Variants in IGLL5 observed in about 807,000 individuals in gnomAD.
The protein encoded by IGLL5 is immunoglobulin lambda-like polypeptide 5.
Under a neutral mutation model 20.9 loss-of-function variants are expected in IGLL5, and 30 were observed. The observed-to-expected ratio is 1.44, with a 90% CI of 1.07 to 1.95. IGLL5 has a LOEUF of 1.95. IGLL5 is among the 30% of genes most tolerant of loss of function. The pLI is 0.00. For synonymous variants in IGLL5, 203 were observed against 117.3 expected (o/e 1.73, Z -4.72); for missense variants, 475 against 270.7 (o/e 1.75, Z -5.30).
In IGLL5 at chr22:22,888,272, A is replaced by T. The variant is rs569193265; in HGVS notation, c.206+13A>T. 3.2e-6 allele frequency: 5 copies of T among 1,546,168 alleles called. No individual in the cohort carries two copies. Among genetic ancestry groups the T allele is most frequent in the Admixed American group, 3.9e-5 (2 of 50,704 alleles). The stretch of plus-strand genomic sequence containing the variant: ...GCCTGTGGGGCAGGTAAGGGGCAAG[A>T]GATTCCAGGGGATGTGGGGGTCCTG... On this transcript the variant is annotated intron_variant, in intron 1 of 2. Coordinates refer to ENST00000526893, the MANE Select transcript of IGLL5 (RefSeq NM_001178126.2).
intron 1 of IGLL5, among the ~76,000 whole-genome samples, chr22:22,890,439 T>A (rs2146007270): frequency 6.6e-6 from 1 of 150,750 alleles, no homozygotes; most frequent in Admixed American, 6.7e-5. Flanking sequence ...TATCAGTCCA[T>A]ATGGATTAAC....
intron 2 of IGLL5, among the ~76,000 whole-genome samples, chr22:22,894,076 C>A (rs1437967536): frequency 6.6e-6 from 1 of 151,466 alleles, no homozygotes; most frequent in African/African-American, 2.4e-5. Flanking sequence ...CTCCTCTCTT[C>A]CAGGGCAGAT....
chr22:22,894,041 C>T (rs973140670), intron 2 of IGLL5, among the ~76,000 whole-genome samples: 26 of 150,386 alleles, frequency 1.7e-4, no homozygotes, highest in East Asian at 1.0e-3. Flanking sequence ...GGGGCCTGAG[C>T]TGGGATTGGG....
At chr22:22,894,249 C>CAAAAT (rs2146037017) in intron 2 of IGLL5, among the ~76,000 whole-genome samples, 1 of 149,812 alleles carries the variant, frequency 6.7e-6, no homozygotes, top group Admixed American at 6.7e-5. Context: ...AGCTGAGGGT[C>CAAAAT]TAGGCTGAGG....
chr22:22,890,714 T>C (rs2067816550), intron 1 of IGLL5, among the ~76,000 whole-genome samples: 1 of 151,008 alleles, frequency 6.6e-6, no homozygotes, highest in African/African-American at 2.4e-5. Flanking sequence ...CAAAAGTCTG[T>C]GTCCACTCAC....
At chr22:22,894,422 A>C (rs564232278) in intron 2 of IGLL5, among the ~76,000 whole-genome samples, 4 of 151,394 alleles carry the variant, frequency 2.6e-5, no homozygotes, top group South Asian at 4.2e-4. Flanking sequence ...GACGGGTGAG[A>C]CTGGGTGAGG....
At chr22:22,894,092 A>C (rs542627523) in intron 2 of IGLL5, among the ~76,000 whole-genome samples, 4 of 151,322 alleles carry the variant, frequency 2.6e-5, no homozygotes, top group Admixed American at 1.3e-4. Flanking sequence ...CAGATGTCTG[A>C]GTGAGGGACA....
intron 1 of IGLL5, 127 bp downstream of exon 1, chr22:22,888,386 T>TGG: frequency 1.3e-6 from 1 of 749,780 alleles, no homozygotes; most frequent in Admixed American, 2.9e-5. Flanking sequence ...GGGCTGACAC[T>TGG]GGCTTTAGTA....
rs373153500 is a variant in IGLL5 at position 22,895,642 on chromosome 22, C to A, written c.593C>A (p.Thr198Lys). Residue 198 changes from threonine (T) to lysine (K), a missense_variant, in exon 3 of 3, where the codon ACG becomes AAG. By Grantham distance (78) the Thr-to-Lys change is moderately conservative. Coordinates refer to ENST00000526893, the MANE Select transcript of IGLL5 (RefSeq NM_001178126.2). ...KSHRSYSCQV[T>K]HEGSTVEKTV... is the part of the protein sequence containing the mutation. ...CACAGAAGCTACAGCTGCCAGGTCACGCATGAAGGGAGCACCGTGGAGAAG... is the reference window on the plus strand; with the variant it reads ...CACAGAAGCTACAGCTGCCAGGTCAAGCATGAAGGGAGCACCGTGGAGAAG... 6 of 1,613,212 alleles carry A rather than the reference C, an allele frequency of 3.7e-6. No individual in the cohort carries two copies. The highest frequency in any genetic ancestry group is 5.1e-6 in the Non-Finnish European group (6 of 1,179,776).
chr22:22,892,365 T>C (rs2067875322), intron 1 of IGLL5, among the ~76,000 whole-genome samples: 1 of 151,148 alleles, frequency 6.6e-6, no homozygotes, highest in Non-Finnish European at 1.5e-5. Context: ...TGTGAATAAA[T>C]TGCCTTGGGG....
chr22:22,888,905 T>G (rs1232763031), intron 1 of IGLL5, among the ~76,000 whole-genome samples: 2 of 151,152 alleles, frequency 1.3e-5, no homozygotes, highest in Admixed American at 6.6e-5. Flanking sequence ...GTCTCACAGA[T>G]CGAGGGGCAC....
intron 1 of IGLL5, among the ~76,000 whole-genome samples, chr22:22,888,604 C>T (rs576809334): frequency 2.0e-5 from 3 of 151,248 alleles, no homozygotes; most frequent in Admixed American, 6.6e-5. Flanking sequence ...GGCCACTGTC[C>T]CCACAGGGTG....
intron 1 of IGLL5, 143 bp downstream of exon 1, chr22:22,888,402 T>G (rs188021199): frequency 1.2e-5 from 8 of 655,040 alleles, no homozygotes; most frequent in East Asian, 5.5e-5. Flanking sequence ...TAGTAATGGG[T>G]TGATATTTTG....
At chr22:22,895,317 C>G in intron 2 of IGLL5, 58 bp from the exon 3 acceptor site, 1 of 1,485,508 alleles carries the variant, frequency 6.7e-7, no homozygotes, top group Non-Finnish European at 9.3e-7. Flanking sequence ...GAGAGAGGGG[C>G]TCCACAACAC....
chr22:22,894,270 A>C (rs1218754475), intron 2 of IGLL5, among the ~76,000 whole-genome samples: 2 of 150,912 alleles, frequency 1.3e-5, no homozygotes, highest in South Asian at 2.1e-4. Context: ...ACTGGATGCC[A>C]ATCCAGCCTG....
At chr22:22,888,868 T>C (rs767677542) in intron 1 of IGLL5, among the ~76,000 whole-genome samples, 2 of 151,282 alleles carry the variant, frequency 1.3e-5, no homozygotes, top group South Asian at 2.1e-4. Flanking sequence ...GGAGAGGGGA[T>C]CTCCCTCTGG....
At chr22:22,888,966 G>C (rs572122143) in intron 1 of IGLL5, among the ~76,000 whole-genome samples, 1 of 151,402 alleles carries the variant, frequency 6.6e-6, no homozygotes, top group Admixed American at 6.6e-5. Flanking sequence ...GAGGAGAGGA[G>C]AGCACAGGAT....
In IGLL5 at chr22:22,895,777, C is replaced by A. The variant is rs1410917970; in HGVS notation, c.*83C>A. ...GTCTCTCTCCCCATCCCAAGTCATC[C>A]AGCCCTTCTCCCTGCACTCATGAAA... On this transcript the variant is annotated 3_prime_UTR_variant, in exon 3 of 3. Coordinates refer to ENST00000526893, the MANE Select transcript of IGLL5 (RefSeq NM_001178126.2). The A allele has an allele frequency of 1.1e-4, 137 of 1,273,626 alleles. No individual in the cohort carries two copies. The highest frequency in any genetic ancestry group is 1.5e-4 in the Non-Finnish European group (133 of 872,616). The allele number at this position is 1,273,626 out of a possible 1,614,324, so 78.9% of individuals were successfully genotyped here. A position where few individuals can be genotyped will look rare whatever the true frequency, so the allele number is the denominator to read the frequency against.
chr22:22,894,441 T>C (rs142825859), intron 2 of IGLL5, among the ~76,000 whole-genome samples: 1 of 151,332 alleles, frequency 6.6e-6, no homozygotes, highest in African/African-American at 2.4e-5. Flanking sequence ...GGTGCCAGAA[T>C]CCAACCCTCC....
Sources: allele counts gnomAD v4.1 joint callset (sites outside exome capture counted in the v4.1 genomes callset), GRCh38; gene constraint gnomAD v4.1.1; transcripts MANE v1.5; gene names NCBI Gene and HGNC (gene_info 2026-07-23, HGNC 2026-07-21).